The following PIK3R3 variants were observed in gnomAD, a reference collection of about 807,000 sequenced individuals.
PIK3R3 encodes phosphoinositide-3-kinase regulatory subunit 3.
Under a neutral mutation model 62.9 loss-of-function variants are expected in PIK3R3, and 64 were observed. That is an observed-to-expected ratio of 1.02 (90% CI 0.83 to 1.25). The LOEUF (loss-of-function observed/expected upper bound fraction) is 1.25. Among genes scored for constraint, PIK3R3 ranks in the 50% most tolerant of loss-of-function variants. The probability of loss-of-function intolerance (pLI) is 0.00; values close to 1 mark genes in which losing one functional copy is unlikely to be tolerated. For synonymous variants in PIK3R3, 165 were observed against 189.0 expected (o/e 0.87, Z 1.04); for missense variants, 614 against 561.6 (o/e 1.09, Z -0.94).
At chr1:46,131,288 TA>T (rs944645100) in intron 1 of PIK3R3, among the ~76,000 whole-genome samples, 1 of 151,862 alleles carries the variant, frequency 6.6e-6, no homozygotes, top group Non-Finnish European at 1.5e-5. Flanking sequence ...GCCCAATCCC[TA>T]AAAAAAATCA....
intron 1 of PIK3R3, among the ~76,000 whole-genome samples, chr1:46,125,107 A>T (rs1443067081): frequency 1.3e-5 from 2 of 152,164 alleles, no homozygotes; most frequent in African/African-American, 4.8e-5. Context: ...CTCAAAAAAA[A>T]TTTTAAAAAT....
At chr1:46,151,962 G>A in the PIK3R3 span, among the ~76,000 whole-genome samples, 1 of 152,236 alleles carries the variant, frequency 6.6e-6, no homozygotes, top group South Asian at 2.1e-4. Context: ...GACCACCCTG[G>A]GTTTGGCAGC....
At chr1:46,156,043 A>G in the PIK3R3 span, among the ~76,000 whole-genome samples, 3 of 152,276 alleles carry the variant, frequency 2.0e-5, no homozygotes, top group South Asian at 4.2e-4. Context: ...ATGTACATGA[A>G]AAAGAGTAAA....
rs183250369 is a variant in PIK3R3, at chr1:46,103,524, G to A, written c.107-22774C>T. Among the ~76,000 whole-genome samples the A allele has an allele frequency of 1.9e-3, 282 of 151,176 alleles. 1 individual carries two copies. The highest frequency in any genetic ancestry group is 0.016 in the Admixed American group (243 of 15,172). On this transcript the variant is annotated intron_variant, in intron 1 of 9. Coordinates refer to ENST00000262741, the MANE Select transcript of PIK3R3 (RefSeq NM_003629.4). ...GGTGGAGGTTGCATGAGCCAAGACC[G>A]TGCTACTGCACTCTAGCCTGGGCAA...
At chr1:46,129,073 G>C (rs1436948151) in intron 1 of PIK3R3, among the ~76,000 whole-genome samples, 2 of 135,454 alleles carry the variant, frequency 1.5e-5, no homozygotes, top group African/African-American at 5.4e-5. Context: ...TCTGCCTCAG[G>C]AAAAAAAAAA....
At chr1:46,119,888 C>T (rs1220789086) in intron 1 of PIK3R3, among the ~76,000 whole-genome samples, 1 of 151,866 alleles carries the variant, frequency 6.6e-6, no homozygotes, top group Non-Finnish European at 1.5e-5. Flanking sequence ...AGTGATCCTC[C>T]CACCTCAGCC....
the PIK3R3 span, among the ~76,000 whole-genome samples, chr1:46,167,824 A>G: frequency 6.6e-6 from 1 of 152,182 alleles, no homozygotes; most frequent in Non-Finnish European, 1.5e-5. Context: ...TCCCCTTTGC[A>G]TTAGCTAAAA....
At position 46,059,408 on chromosome 1, in the gene PIK3R3, C is replaced by T. The variant is rs142596807; in HGVS notation, c.764+2521G>A. 2.4e-4 allele frequency among the ~76,000 whole-genome samples: 36 copies of T among 152,312 alleles called. No individual in the cohort carries two copies. In the East Asian group the frequency reaches 4.0e-3, roughly 17 times the overall value. On this transcript the variant is annotated intron_variant, in intron 6 of 9. Coordinates refer to ENST00000262741, the MANE Select transcript of PIK3R3 (RefSeq NM_003629.4). The stretch of plus-strand genomic sequence containing the variant: ...TTCCCTGACATTATCTTGGTAAGCA[C>T]GCAACAGATGACAGCTATAAGCTTT...
chr1:46,083,420 G>C (rs1198523391), intron 1 of PIK3R3, among the ~76,000 whole-genome samples: 2 of 152,134 alleles, frequency 1.3e-5, no homozygotes, highest in Non-Finnish European at 2.9e-5. Context: ...AAAAACTTCT[G>C]TACTTCAAAG....
chr1:46,131,567 A>C, intron 1 of PIK3R3: 1 of 450,518 alleles, frequency 2.2e-6, no homozygotes, highest in Non-Finnish European at 4.2e-6. Context: ...ACGACACGCA[A>C]AGGCAAAGTA....
Position 46,044,951 on chromosome 1 carries a change from T to A in PIK3R3, c.1187+967A>T, listed in dbSNP as rs1297184370. Among the ~76,000 whole-genome samples the A allele has an allele frequency of 6.6e-6, 1 of 152,228 alleles. No individual in the cohort carries two copies. Among genetic ancestry groups the A allele is most frequent in the Non-Finnish European group, 1.5e-5 (1 of 68,038 alleles). Reference sequence around the variant, plus strand: ...ATCACATAAAGCACTGAGCAGTCTGTTAATATGAATGCCTTTCGCCTACCT... The same window carrying A: ...ATCACATAAAGCACTGAGCAGTCTGATAATATGAATGCCTTTCGCCTACCT... On this transcript the variant is annotated intron_variant, in intron 9 of 9. Transcript: ENST00000262741. The surrounding 1 kb of genome is among the most constrained non-coding windows in gnomAD (Gnocchi z 4.2).
At chr1:46,087,642 C>T (rs1651210480) in intron 1 of PIK3R3, among the ~76,000 whole-genome samples, 1 of 137,764 alleles carries the variant, frequency 7.3e-6, no homozygotes, top group Non-Finnish European at 1.5e-5. Context: ...ACTATATTGC[C>T]AAGGGTGGTC....
chr1:46,088,324 A>G (rs557776854), intron 1 of PIK3R3, among the ~76,000 whole-genome samples: 2 of 152,122 alleles, frequency 1.3e-5, no homozygotes, highest in Non-Finnish European at 2.9e-5. Context: ...AACAACAGAC[A>G]TTTGAGGAAA....
At chr1:46,111,555 A>C (rs1031850952) in intron 1 of PIK3R3, among the ~76,000 whole-genome samples, 1 of 152,122 alleles carries the variant, frequency 6.6e-6, no homozygotes, top group African/African-American at 2.4e-5. Flanking sequence ...ATAAAACCCC[A>C]TCTCTACTAA....
chr1:46,158,372 G>A, the PIK3R3 span, among the ~76,000 whole-genome samples: 152 of 152,238 alleles, frequency 1.0e-3, 4 homozygotes, highest in East Asian at 0.02. Flanking sequence ...TGTGACTTGC[G>A]CATGCTAGCG....
At chr1:46,126,285 C>G (rs1328436184) in intron 1 of PIK3R3, among the ~76,000 whole-genome samples, 4 of 150,802 alleles carry the variant, frequency 2.7e-5, no homozygotes, top group African/African-American at 9.8e-5. Flanking sequence ...CACCTATAAT[C>G]CCAGCACTTT....
chr1:46,160,971 A>C, the PIK3R3 span, among the ~76,000 whole-genome samples: 1 of 152,218 alleles, frequency 6.6e-6, no homozygotes, highest in Non-Finnish European at 1.5e-5. Context: ...AATGTAGTTA[A>C]GGAGATAGTC....
chr1:46,156,615 GTC>G, the PIK3R3 span, among the ~76,000 whole-genome samples: 1 of 152,056 alleles, frequency 6.6e-6, no homozygotes, highest in South Asian at 2.1e-4. Context: ...GCCTGACCGG[GTC>G]TCTCTGAGCC....
At chr1:46,067,560 A>C (rs1002453512) in intron 3 of PIK3R3, among the ~76,000 whole-genome samples, 1 of 152,100 alleles carries the variant, frequency 6.6e-6, no homozygotes, top group Non-Finnish European at 1.5e-5. Context: ...GGGAATGATA[A>C]ACATTTGTCA....
Sources: gnomAD v4.1 joint callset for allele counts (sites outside exome capture counted in the v4.1 genomes callset) on GRCh38, gnomAD v4.1.1 for gene constraint, Gnocchi (gnomAD v3.1) non-coding constraint, MANE v1.5 for transcripts, NCBI Gene and HGNC (gene_info 2026-07-23, HGNC 2026-07-21) for gene names.